ERBB4: variants seen among roughly 807,000 people sequenced by gnomAD.
The protein encoded by ERBB4 is erb-b2 receptor tyrosine kinase 4, also known as receptor tyrosine-protein kinase erbB-4.
ERBB4 carries 42 observed loss-of-function variants against 158.0 expected under a neutral mutation model. The ratio of observed to expected loss-of-function variants is 0.27; its 90% confidence interval spans 0.21 to 0.34. The LOEUF is 0.34. Ranked by LOEUF, ERBB4 falls within the 10% of genes least tolerant of loss-of-function variation. ERBB4 has a pLI of 1.00. For missense variants in ERBB4, 1,333 were observed against 1,624.1 expected (o/e 0.82, Z 3.08); for synonymous variants, 583 against 558.7 (o/e 1.04, Z -0.61).
intron 2 of ERBB4, among the ~76,000 whole-genome samples, chr2:211,972,276 A>G (rs1225839519): frequency 6.6e-6 from 1 of 152,248 alleles, no homozygotes; most frequent in African/African-American, 2.4e-5. Context: ...ATAGAAAAAC[A>G]TTCCATGCTC....
chr2:211,466,578 T>C lies in ERBB4; in HGVS notation c.2488-35478A>G, dbSNP rs544379087. On this transcript the variant is annotated intron_variant, in intron 20 of 27. Coordinates refer to ENST00000342788, the MANE Select transcript of ERBB4 (RefSeq NM_005235.3). ...AATTTATCAACAACTGAGTTCAGTA[T>C]GCCTGAAACACTCTGTGGGTGGCAG... Among the ~76,000 whole-genome samples the C allele has an allele frequency of 1.8e-4, 28 of 152,252 alleles. No homozygotes were observed. In the South Asian group the frequency reaches 5.4e-3, roughly 29 times the overall value.
intron 1 of ERBB4, among the ~76,000 whole-genome samples, chr2:212,391,599 C>G (rs185890048): frequency 9.1e-5 from 13 of 143,028 alleles, no homozygotes; most frequent in African/African-American, 3.5e-4. Flanking sequence ...CTCTCCTGTA[C>G]AGCAATGTGA....
intron 20 of ERBB4, among the ~76,000 whole-genome samples, chr2:211,479,591 C>A (rs909033982): frequency 1.3e-5 from 2 of 152,202 alleles, no homozygotes; most frequent in Non-Finnish European, 2.9e-5. Context: ...CAAAATAAAT[C>A]CATCTGATAG....
rs1029352096 is a variant in ERBB4 at position 211,657,586 on chromosome 2, G to C, written c.1946+168C>G. 12 of 650,876 alleles carry C rather than the reference G, an allele frequency of 1.8e-5. No individual in the cohort carries two copies. The African/African-American group carries it at 2.0e-4, about 11-fold the overall frequency. The allele number at this position is 650,876 out of a possible 1,614,324, so 40.3% of individuals were successfully genotyped here. On this transcript the variant is annotated intron_variant, in intron 16 of 27. Coordinates refer to ENST00000342788, the MANE Select transcript of ERBB4 (RefSeq NM_005235.3). ...CAATGAATGAAGGAAAAAGAAGTAA[G>C]AAAGTTGGCTTGAGAAGGAAAGTGT...
chr2:211,773,633 T>TATATATAAA (rs1553630513), intron 4 of ERBB4, among the ~76,000 whole-genome samples: 1 of 102,852 alleles, frequency 9.7e-6, no homozygotes, highest in African/African-American at 4.6e-5. Context: ...TATATATATA[T>TATATATAAA]ATATATATAT....
intron 4 of ERBB4, among the ~76,000 whole-genome samples, chr2:211,773,650 T>TATATATATATATATA (rs2075795484): frequency 1.0e-5 from 1 of 99,036 alleles, no homozygotes; most frequent in African/African-American, 3.5e-5. Context: ...ATATATATAA[T>TATATATATATATATA]ATATATACAC....
chr2:211,502,860 C>T (rs931732611), intron 20 of ERBB4, among the ~76,000 whole-genome samples: 1 of 152,190 alleles, frequency 6.6e-6, no homozygotes, highest in Non-Finnish European at 1.5e-5. Context: ...AGATGGATGA[C>T]TAGGTGCAGC....
intron 1 of ERBB4, among the ~76,000 whole-genome samples, chr2:212,389,089 C>CA (rs1030794689): frequency 1.2e-4 from 19 of 152,048 alleles, no homozygotes; most frequent in African/African-American, 4.6e-4. Context: ...CTTTATGGGG[C>CA]AAAATCTCAA....
In ERBB4 at chr2:211,580,893, A is replaced by T. The variant is rs1297186436; in HGVS notation, c.2302-18805T>A. ...TATATATATATATATATATATATAT[A>T]TATATATATATATATATATATATGA... On this transcript the variant is annotated intron_variant, in intron 19 of 27. Transcript: ENST00000342788. Among the ~76,000 whole-genome samples the T allele has an allele frequency of 6.5e-4, 4 of 6,142 alleles. 1 individual carries two copies. The highest frequency in any genetic ancestry group is 1.1e-3 in the Non-Finnish European group (4 of 3,566). The allele number at this position is 6,142 out of a possible 152,430, so 4.0% of individuals were successfully genotyped here. A position where few individuals can be genotyped will look rare whatever the true frequency, so the allele number is the denominator to read the frequency against.
At chr2:211,488,108 T>A (rs1031060348) in intron 20 of ERBB4, among the ~76,000 whole-genome samples, 3 of 152,014 alleles carry the variant, frequency 2.0e-5, no homozygotes, top group African/African-American at 7.2e-5. Context: ...AGAGCAGTAT[T>A]TATACTTCAT....
intron 1 of ERBB4, among the ~76,000 whole-genome samples, chr2:212,467,273 C>A (rs996120701): frequency 1.3e-5 from 2 of 152,188 alleles, no homozygotes; most frequent in Non-Finnish European, 2.9e-5. Context: ...ATGTTAATCA[C>A]CAAGACAATG....
chr2:211,636,916 C>T (rs2125886235), intron 16 of ERBB4, among the ~76,000 whole-genome samples: 1 of 151,762 alleles, frequency 6.6e-6, no homozygotes, highest in South Asian at 2.1e-4. Context: ...TAGGTGTGTG[C>T]ATATATACAC....
chr2:211,830,883 A>G (rs1226963125), intron 3 of ERBB4, among the ~76,000 whole-genome samples: 1 of 152,176 alleles, frequency 6.6e-6, no homozygotes, highest in African/African-American at 2.4e-5. Flanking sequence ...CAAGGACTGC[A>G]TAGAGCACTT....
At chr2:211,918,200 T>C (rs998520595) in intron 3 of ERBB4, among the ~76,000 whole-genome samples, 1 of 152,224 alleles carries the variant, frequency 6.6e-6, no homozygotes, top group African/African-American at 2.4e-5. Flanking sequence ...TTGTATTTAG[T>C]AGTTCCTGTA....
At chr2:211,555,000 C>T (rs534260200) in intron 20 of ERBB4, among the ~76,000 whole-genome samples, 15 of 152,226 alleles carry the variant, frequency 9.9e-5, no homozygotes, top group South Asian at 2.1e-4. Flanking sequence ...CGATAAAAGA[C>T]GAAATTTTCA....
At chr2:211,445,356 G>T (rs1254312818) in intron 20 of ERBB4, among the ~76,000 whole-genome samples, 1 of 152,136 alleles carries the variant, frequency 6.6e-6, no homozygotes, top group Non-Finnish European at 1.5e-5. Context: ...GCAGCAGACA[G>T]ATATGGGACC....
intron 22 of ERBB4, among the ~76,000 whole-genome samples, chr2:211,426,510 T>G (rs2063630499): frequency 6.6e-6 from 1 of 152,188 alleles, no homozygotes; most frequent in South Asian, 2.1e-4. Flanking sequence ...AACAGAGTAC[T>G]ACCTATCTAT....
intron 1 of ERBB4, among the ~76,000 whole-genome samples, chr2:212,216,203 C>T (rs1308783030): frequency 6.6e-6 from 1 of 151,200 alleles, no homozygotes; most frequent in African/African-American, 2.4e-5. Flanking sequence ...ATATCTTTCC[C>T]TCTCCTTTTA....
chr2:212,424,640 C>G (rs939935851), intron 1 of ERBB4, among the ~76,000 whole-genome samples: 1 of 152,062 alleles, frequency 6.6e-6, no homozygotes, highest in Non-Finnish European at 1.5e-5. Flanking sequence ...GAATTGACCT[C>G]TAATAACAGC....
Sources: allele counts gnomAD v4.1 joint callset (sites outside exome capture counted in the v4.1 genomes callset), GRCh38; gene constraint gnomAD v4.1.1; transcripts MANE v1.5; gene names NCBI Gene and HGNC (gene_info 2026-07-23, HGNC 2026-07-21).